The following RALB variants were observed in gnomAD, a reference collection of about 807,000 sequenced individuals.
The protein encoded by RALB is ras-related protein Ral-B.
Under a neutral mutation model 21.3 loss-of-function variants are expected in RALB, and 16 were observed. That is an observed-to-expected ratio of 0.75 (90% CI 0.51 to 1.14). The LOEUF is 1.14. Among genes scored for constraint, RALB ranks in the 50% most tolerant of loss-of-function variants. The pLI, the probability that RALB is intolerant of heterozygous loss-of-function variation, is 0.00. For synonymous variants in RALB, 93 were observed against 96.1 expected (o/e 0.97, Z 0.19); for missense variants, 161 against 256.2 (o/e 0.63, Z 2.54).
intron 1 of RALB, among the ~76,000 whole-genome samples, chr2:120,273,830 A>AC (rs761430376): frequency 9.2e-5 from 14 of 152,184 alleles, no homozygotes; most frequent in African/African-American, 3.4e-4. Context: ...CAGCACCTCT[A>AC]CCTTCCCTGT....
intron 1 of RALB, among the ~76,000 whole-genome samples, chr2:120,242,488 A>C (rs7602595): frequency 0.058 from 8,811 of 152,268 alleles, 859 homozygotes; most frequent in African/African-American, 0.2. Context: ...GCCTATAATC[A>C]CTTTGGGAGG....
In RALB at chr2:120,261,156, A is replaced by G. The variant is rs534703573; in HGVS notation, c.-48+8176A>G. 2.0e-5 allele frequency among the ~76,000 whole-genome samples: 3 copies of G among 152,276 alleles called. No homozygotes were observed. The South Asian group carries it at 6.2e-4, about 32-fold the overall frequency. ...ATTGTGTCATTAGCTAGAAGGATATATGGGGGTCAAAGGCACACACGCATG... is the reference window on the plus strand; with the variant it reads ...ATTGTGTCATTAGCTAGAAGGATATGTGGGGGTCAAAGGCACACACGCATG... On this transcript the variant is annotated intron_variant, in intron 1 of 4. Coordinates refer to ENST00000272519, the MANE Select transcript of RALB (RefSeq NM_002881.3).
intron 1 of RALB, among the ~76,000 whole-genome samples, chr2:120,246,787 G>C (rs1035888237): frequency 6.6e-6 from 1 of 152,204 alleles, no homozygotes; most frequent in Admixed American, 6.5e-5. Context: ...AGAGGTCACG[G>C]GGACTGTGAG....
Position 120,262,450 on chromosome 2 carries a change from G to A in RALB, c.-48+9470G>A, listed in dbSNP as rs555872779. Reference sequence around the variant, plus strand: ...TTGCTGGTGTGCCTGAGGTTGCAGGGACCAGGTGGGTTAGCCATTTCAGGA... The same window carrying A: ...TTGCTGGTGTGCCTGAGGTTGCAGGAACCAGGTGGGTTAGCCATTTCAGGA... On this transcript the variant is annotated intron_variant, in intron 1 of 4. Coordinates refer to ENST00000272519, the MANE Select transcript of RALB (RefSeq NM_002881.3). Among the ~76,000 whole-genome samples the A allele has an allele frequency of 2.0e-5, 3 of 152,294 alleles. No homozygotes were observed. In the East Asian group the frequency reaches 5.8e-4, roughly 29 times the overall value.
rs946283226 is a variant in RALB at position 120,285,729 on chromosome 2, T to C, written c.115-145T>C. The C allele has an allele frequency of 6.1e-6, 4 of 655,888 alleles. No homozygotes were observed. The African/African-American group carries it at 7.3e-5, about 12-fold the overall frequency. 40.6% of individuals were successfully genotyped at this position (655,888 alleles called of 1,614,324 possible). A position where few individuals can be genotyped will look rare whatever the true frequency, so the allele number is the denominator to read the frequency against. On this transcript the variant is annotated intron_variant, in intron 2 of 4. Transcript: ENST00000272519. ...AAAACAAAAAATGGCAAAACAGAGC[T>C]ATAAAGAACAGAAGTGTTACGTAAA...
chr2:120,245,710 GC>G (rs1688959542), intron 1 of RALB, among the ~76,000 whole-genome samples: 1 of 152,088 alleles, frequency 6.6e-6, no homozygotes, highest in Non-Finnish European at 1.5e-5. Flanking sequence ...GTGCAAGGAG[GC>G]CCCTCCCCCG....
At chr2:120,292,245 G>A (rs927563232) in intron 4 of RALB, among the ~76,000 whole-genome samples, 2 of 152,188 alleles carry the variant, frequency 1.3e-5, no homozygotes, top group Non-Finnish European at 2.9e-5. Flanking sequence ...GATTGAGGGT[G>A]GGGGAGTGTG....
chr2:120,257,350 A>G (rs1002433837), intron 1 of RALB, among the ~76,000 whole-genome samples: 1 of 152,180 alleles, frequency 6.6e-6, no homozygotes, highest in African/African-American at 2.4e-5. Flanking sequence ...ACCCTCATAC[A>G]TTTTAATTAT....
rs769061162 is a variant in RALB at position 120,240,083 on chromosome 2, C to G, written c.-24C>G. 3 of 1,289,482 alleles carry G rather than the reference C, an allele frequency of 2.3e-6. No individual in the cohort carries two copies. In the South Asian group the frequency reaches 3.7e-5, roughly 16 times the overall value. The allele number at this position is 1,289,482 out of a possible 1,614,324, so 79.9% of individuals were successfully genotyped here. On this transcript the variant is annotated 5_prime_UTR_variant, in exon 1 of 4. Transcript: ENST00000447591. ...GTGTGGGATTTCAGCAGCGGGAGAGCGGGTGGCAGGAGGAGGTCTCTGCAT... is the reference window on the plus strand; with the variant it reads ...GTGTGGGATTTCAGCAGCGGGAGAGGGGGTGGCAGGAGGAGGTCTCTGCAT...
intron 1 of RALB, among the ~76,000 whole-genome samples, chr2:120,275,232 C>T (rs1464524005): frequency 2.0e-5 from 3 of 152,238 alleles, no homozygotes; most frequent in African/African-American, 7.2e-5. Context: ...CTAACTGCTA[C>T]CTTGTGTGTA....
intron 1 of RALB, chr2:120,253,362 G>A (rs1193754840): frequency 3.1e-6 from 3 of 982,578 alleles, no homozygotes; most frequent in Admixed American, 1.2e-4. Context: ...GTCAGGGCTG[G>A]GAAGTGTTGC....
chr2:120,249,293 A>G (rs990023904), upstream of RALB, among the ~76,000 whole-genome samples: 2 of 152,232 alleles, frequency 1.3e-5, no homozygotes, highest in East Asian at 1.9e-4. Context: ...TTCACCTCCT[A>G]AAGTGCTGGA....
chr2:120,252,654 C>T, upstream of RALB: 1 of 402,852 alleles, frequency 2.5e-6, no homozygotes, highest in Non-Finnish European at 3.4e-6. Context: ...GCGCTGGGCC[C>T]GCCCCCCCGT....
chr2:120,260,646 C>T (rs1336983818), intron 1 of RALB, among the ~76,000 whole-genome samples: 1 of 152,200 alleles, frequency 6.6e-6, no homozygotes, highest in Non-Finnish European at 1.5e-5. Context: ...ACCCGGGAAG[C>T]ACTCAGCCTG....
chr2:120,255,090 T>A (rs4849842), intron 1 of RALB, among the ~76,000 whole-genome samples: 105,637 of 152,040 alleles, frequency 0.69, 37,294 homozygotes, highest in Middle Eastern at 0.8. Context: ...ATTAGAGACC[T>A]TTCTTGAAAG....
upstream of RALB, among the ~76,000 whole-genome samples, chr2:120,249,323 G>A (rs1430270752): frequency 2.0e-5 from 3 of 152,118 alleles, no homozygotes; most frequent in East Asian, 1.9e-4. Flanking sequence ...GTGAGCCACC[G>A]CGCCCGTCCG....
At chr2:120,291,235 T>C (rs1690296552) in intron 4 of RALB, among the ~76,000 whole-genome samples, 1 of 152,356 alleles carries the variant, frequency 6.6e-6, no homozygotes, top group South Asian at 2.1e-4. Context: ...GATATACATA[T>C]AGGATACATA....
intron 1 of RALB, among the ~76,000 whole-genome samples, chr2:120,267,772 T>C (rs1453993246): frequency 6.6e-6 from 1 of 152,170 alleles, no homozygotes; most frequent in Admixed American, 6.5e-5. Context: ...CTTTAAAAAA[T>C]GTAAGTAACT....
At chr2:120,279,803 C>T (rs952908995) in intron 2 of RALB, among the ~76,000 whole-genome samples, 3 of 152,198 alleles carry the variant, frequency 2.0e-5, no homozygotes, top group Admixed American at 6.5e-5. Flanking sequence ...ATCACAACCA[C>T]GTCAGTTAAG....
Sources: allele counts gnomAD v4.1 joint callset (sites outside exome capture counted in the v4.1 genomes callset), GRCh38; gene constraint gnomAD v4.1.1; transcripts MANE v1.5; gene names NCBI Gene and HGNC (gene_info 2026-07-23, HGNC 2026-07-21).